ZNF446: variants seen among roughly 807,000 people sequenced by gnomAD.
The protein encoded by ZNF446 is zinc finger protein 446.
ZNF446 carries 42 observed loss-of-function variants against 34.0 expected under a neutral mutation model. The observed-to-expected ratio is 1.23, with a 90% CI of 0.96 to 1.60. The LOEUF (loss-of-function observed/expected upper bound fraction) is 1.60. Among genes scored for constraint, ZNF446 ranks in the 40% most tolerant of loss-of-function variants. The pLI is 0.00. For synonymous variants in ZNF446, 315 were observed against 251.0 expected, an observed-to-expected ratio of 1.25 and a Z score of -2.41; for missense variants, 650 against 600.2, an observed-to-expected ratio of 1.08 and a Z score of -0.87.
At position 58,478,093 on chromosome 19, in the gene ZNF446, C is replaced by T; in HGVS notation, c.539C>T (p.Ser180Phe). 6.2e-7 allele frequency: 1 copy of T among 1,613,282 alleles called. No homozygotes were observed. The highest frequency in any genetic ancestry group is 1.1e-5 in the South Asian group (1 of 91,030). ...PNVDGQEVAP[S>F]SPPLAAQSPE... ...CATCTGCCCCACTTTTCAGCACCCT[C>T]CAGCCCTCCACTTGCAGCACAGTCC... Residue 180 changes from serine (S) to phenylalanine (F), a missense_variant, in exon 4 of 7, where the codon TCC becomes TTC. Transcript: ENST00000594369.
At chr19:58,486,480 T>C in the ZNF446 span, among the ~76,000 whole-genome samples, 1 of 152,214 alleles carries the variant, frequency 6.6e-6, no homozygotes, top group Non-Finnish European at 1.5e-5. Flanking sequence ...TAATCTCGGC[T>C]CACTGCAACC....
Position 58,477,415 on chromosome 19 carries a change from T to C in ZNF446, c.197T>C (p.Leu66Pro). The change falls in exon 2 of 7, where the codon CTG (leucine) becomes CCG (proline). Residue 66 changes from leucine (L) to proline (P), a missense_variant. Coordinates refer to ENST00000594369, the MANE Select transcript of ZNF446 (RefSeq NM_017908.4). Reference protein sequence around the residue: ...QPEAHSKEQMLEMLVLEQFLG... With the variant: ...QPEAHSKEQMPEMLVLEQFLG... ...GAGGCACACTCCAAGGAGCAGATGC[T>C]GGAGATGCTGGTGCTGGAGCAGTTC... 1 of 1,613,444 alleles carries C rather than the reference T, an allele frequency of 6.2e-7. No homozygotes were observed. The highest frequency in any genetic ancestry group is 8.5e-7 in the Non-Finnish European group (1 of 1,179,994).
chr19:58,482,769 T>C (rs2053149064), downstream of ZNF446, among the ~76,000 whole-genome samples: 1 of 152,056 alleles, frequency 6.6e-6, no homozygotes, highest in South Asian at 2.1e-4. Flanking sequence ...GTGGGTGATC[T>C]GTGAGCAAGC....
chr19:58,479,692 C>T lies in ZNF446; in HGVS notation c.677C>T (p.Ala226Val), dbSNP rs768717314. The T allele has an allele frequency of 1.5e-5, 25 of 1,613,552 alleles. No individual in the cohort carries two copies. Among genetic ancestry groups the T allele is most frequent in the Non-Finnish European group, 2.0e-5 (24 of 1,179,920 alleles). The change falls in exon 5 of 7, where the codon GCG (alanine) becomes GTG (valine). Residue 226 changes from alanine (A) to valine (V), a missense_variant. Physicochemically the swap from Ala to Val is moderately conservative, Grantham distance 64. Coordinates refer to ENST00000594369, the MANE Select transcript of ZNF446 (RefSeq NM_017908.4). ...DRSQKELYWD[A>V]MLEKYGTVVS... ...TCACAGAAGGAACTGTACTGGGATG[C>T]GATGCTGGAGAAGTACGGCACAGTG...
Position 58,480,762 on chromosome 19 carries a change from T to A in ZNF446, c.*36T>A, listed in dbSNP as rs1209407193. ...AGCACAGTCCCTCGGGGCCTCGGTG[T>A]TCTCGGGGCCTGGATACAGCCTCTG... On this transcript the variant is annotated 3_prime_UTR_variant, in exon 7 of 7. Transcript: ENST00000594369. The surrounding 1 kb of genome is among the most constrained non-coding windows in gnomAD (Gnocchi z 7.2). The A allele has an allele frequency of 1.9e-6, 3 of 1,575,816 alleles. No homozygotes were observed. Among genetic ancestry groups the A allele is most frequent in the Non-Finnish European group, 2.6e-6 (3 of 1,163,760 alleles).
rs558582654 is a variant in ZNF446, at chr19:58,478,629, G to A, written c.627+448G>A. The stretch of plus-strand genomic sequence containing the variant: ...CAGTGAGCCGAGATTGTGCCACTGC[G>A]CTCCAGCCTGGTCAACAAGAGCAAA... On this transcript the variant is annotated intron_variant, in intron 4 of 6. Transcript: ENST00000594369. Among the ~76,000 whole-genome samples, 14 of 151,070 alleles carry A rather than the reference G, an allele frequency of 9.3e-5. No homozygotes were observed. The South Asian group carries it at 2.5e-3, about 27-fold the overall frequency.
At chr19:58,487,701 C>T in the ZNF446 span, among the ~76,000 whole-genome samples, 1 of 151,886 alleles carries the variant, frequency 6.6e-6, no homozygotes. Context: ...CCCAGCTACT[C>T]AGGAGGCTGA....
chr19:58,480,379 C>G lies in ZNF446; in HGVS notation c.1006C>G (p.Gln336Glu). ...CCCCAGGAAGCCCTACACGTGCGAG[C>G]AGTGTGGCCGCGGCTTCGACTGGAA... ...ATPRKPYTCE[Q>E]CGRGFDWKSV... Residue 336 changes from glutamine to glutamate, a missense_variant, in exon 7 of 7, where the codon CAG becomes GAG. Gln to Glu is a conservative substitution (Grantham distance 29). Transcript: ENST00000594369. The surrounding 1 kb of genome is among the most constrained non-coding windows in gnomAD (Gnocchi z 7.2). 6.2e-7 allele frequency: 1 copy of G among 1,610,520 alleles called. No individual in the cohort carries two copies. Among genetic ancestry groups the G allele is most frequent in the South Asian group, 1.1e-5 (1 of 90,608 alleles).
At chr19:58,477,980 G>A in intron 3 of ZNF446, 107 bp from the exon 4 acceptor site, 1 of 1,342,034 alleles carries the variant, frequency 7.5e-7, no homozygotes, top group Non-Finnish European at 1.0e-6. Flanking sequence ...GGAGGCAGGA[G>A]CCAAGGGCTG....
Position 58,479,910 on chromosome 19 carries a change from T to C in ZNF446, c.713-20T>C, listed in dbSNP as rs777507023. The stretch of plus-strand genomic sequence containing the variant: ...CCTTCATGCAAACCCCATGCCTAAC[T>C]GTGCCCCCCACCCGGGCAGGGTTAC... On this transcript the variant is annotated intron_variant, in intron 5 of 6. Coordinates refer to ENST00000594369, the MANE Select transcript of ZNF446 (RefSeq NM_017908.4). 1 of 1,550,762 alleles carries C rather than the reference T, an allele frequency of 6.4e-7. No homozygotes were observed. The highest frequency in any genetic ancestry group is 2.4e-5 in the East Asian group (1 of 42,038).
chr19:58,478,153 C>T lies in ZNF446; in HGVS notation c.599C>T (p.Ser200Phe). Residue 200 changes from serine to phenylalanine, a missense_variant, in exon 4 of 7, where the codon TCC (serine) becomes TTC (phenylalanine). Ser to Phe is a radical substitution (Grantham distance 155). Coordinates refer to ENST00000594369, the MANE Select transcript of ZNF446 (RefSeq NM_017908.4). ...AACCATGGACACCAAGAACCAGCCT[C>T]CACATCCTTCCACCCACCCAGGATT... ...EGNHGHQEPA[S>F]TSFHPPRIQE... 1 of 1,614,042 alleles carries T rather than the reference C, an allele frequency of 6.2e-7. No homozygotes were observed. Among genetic ancestry groups the T allele is most frequent in the Non-Finnish European group, 8.5e-7 (1 of 1,179,928 alleles).
In ZNF446 at chr19:58,477,370, G is replaced by A; in HGVS notation, c.152G>A (p.Cys51Tyr). 3 of 1,613,508 alleles carry A rather than the reference G, an allele frequency of 1.9e-6. No homozygotes were observed. The highest frequency in any genetic ancestry group is 4.5e-5 in the East Asian group (2 of 44,872). Reference protein sequence around the residue: ...REALARLRELCCQWLQPEAHS... With the variant: ...REALARLRELYCQWLQPEAHS... Reference sequence around the variant, plus strand: ...GCCCTGGCCCGGCTGCGTGAGCTGTGTTGCCAGTGGCTGCAGCCTGAGGCA... The same window carrying A: ...GCCCTGGCCCGGCTGCGTGAGCTGTATTGCCAGTGGCTGCAGCCTGAGGCA... Residue 51 changes from cysteine (C) to tyrosine (Y), a missense_variant, in exon 2 of 7, where the codon TGT becomes TAT. Transcript: ENST00000594369.
intron 1 of ZNF446, among the ~76,000 whole-genome samples, chr19:58,476,770 C>T (rs1019475588): frequency 1.3e-5 from 2 of 152,120 alleles, no homozygotes. Context: ...CCGTACATTA[C>T]AGCCTGGCCC....
At position 58,477,400 on chromosome 19, in the gene ZNF446, C is replaced by G; in HGVS notation, c.182C>G (p.Ser61Cys). Reference protein sequence around the residue: ...CCQWLQPEAHSKEQMLEMLVL... With the variant: ...CCQWLQPEAHCKEQMLEMLVL... The stretch of plus-strand genomic sequence containing the variant: ...CAGTGGCTGCAGCCTGAGGCACACT[C>G]CAAGGAGCAGATGCTGGAGATGCTG... The change falls in exon 2 of 7, where the codon TCC becomes TGC. Residue 61 changes from serine (S) to cysteine (C), a missense_variant. Physicochemically the swap from Ser to Cys is moderately radical, Grantham distance 112 (BLOSUM62 -1). Coordinates refer to ENST00000594369, the MANE Select transcript of ZNF446 (RefSeq NM_017908.4). The G allele has an allele frequency of 6.2e-7, 1 of 1,613,442 alleles. No individual in the cohort carries two copies. Among genetic ancestry groups the G allele is most frequent in the Non-Finnish European group, 8.5e-7 (1 of 1,180,016 alleles).
chr19:58,482,004 C>T (rs1214069413), downstream of ZNF446, among the ~76,000 whole-genome samples: 1 of 152,136 alleles, frequency 6.6e-6, no homozygotes, highest in Non-Finnish European at 1.5e-5. Context: ...CCGTGTTAGC[C>T]AGGATGGTCT....
Position 58,477,302 on chromosome 19 carries a change from C to A in ZNF446, c.84C>A (p.Arg28=), listed in dbSNP as rs1240561912. 2 of 1,613,038 alleles carry A rather than the reference C, an allele frequency of 1.2e-6. No homozygotes were observed. The highest frequency in any genetic ancestry group is 2.7e-5 in the African/African-American group (2 of 74,930). ...TLEEPETARL[R]FRGFCYQEVA... is the part of the protein sequence containing the mutation. Reference sequence around the variant, plus strand: ...AGGAGCCTGAGACTGCCCGCCTCCGCTTCCGAGGGTTCTGCTACCAGGAGG... The same window carrying A: ...AGGAGCCTGAGACTGCCCGCCTCCGATTCCGAGGGTTCTGCTACCAGGAGG... The change falls in exon 2 of 7, where the codon CGC becomes CGA. Residue 28 remains arginine, a synonymous_variant. Coordinates refer to ENST00000594369, the MANE Select transcript of ZNF446 (RefSeq NM_017908.4).
intron 4 of ZNF446, among the ~76,000 whole-genome samples, chr19:58,479,229 C>T (rs890247565): frequency 6.6e-6 from 1 of 152,284 alleles, no homozygotes; most frequent in African/African-American, 2.4e-5. Flanking sequence ...AGCTGTGGCT[C>T]CTCACAGCTG....
At chr19:58,478,620 T>C (rs942941665) in intron 4 of ZNF446, among the ~76,000 whole-genome samples, 3 of 150,912 alleles carry the variant, frequency 2.0e-5, no homozygotes, top group African/African-American at 7.4e-5. Context: ...GCCGAGATTG[T>C]GCCACTGCGC....
At chr19:58,489,018 T>C in the ZNF446 span, among the ~76,000 whole-genome samples, 3 of 152,316 alleles carry the variant, frequency 2.0e-5, no homozygotes, top group East Asian at 5.8e-4. Context: ...TTCTAACCTC[T>C]AAGCTGTCCT....
Sources: allele counts gnomAD v4.1 joint callset (sites outside exome capture counted in the v4.1 genomes callset), GRCh38; gene constraint gnomAD v4.1.1; non-coding constraint Gnocchi (gnomAD v3.1); transcripts MANE v1.5; gene names NCBI Gene and HGNC (gene_info 2026-07-23, HGNC 2026-07-21).